Variants in ZC3H7A observed in about 807,000 individuals in gnomAD.
ZC3H7A encodes zinc finger CCCH domain-containing protein 7A.
ZC3H7A carries 44 observed loss-of-function variants against 125.5 expected under a neutral mutation model. That is an observed-to-expected ratio of 0.35 (90% CI 0.28 to 0.45). The LOEUF (loss-of-function observed/expected upper bound fraction) is 0.45. ZC3H7A is among the 20% of genes least tolerant of loss of function. The probability of loss-of-function intolerance (pLI) is 1.00; values close to 1 mark genes in which losing one functional copy is unlikely to be tolerated. For synonymous variants in ZC3H7A, 399 were observed against 391.2 expected, an observed-to-expected ratio of 1.02 and a Z score of -0.23; for missense variants, 977 against 1,170.7, an observed-to-expected ratio of 0.83 and a Z score of 2.41.
chr16:11,796,247 C>G (rs1164299897), intron 1 of ZC3H7A: 2 of 152,190 alleles, frequency 1.3e-5, no homozygotes, highest in Non-Finnish European at 2.9e-5. Context: ...TCTTTCTCAT[C>G]CGAAGTTTTT....
Position 11,767,593 on chromosome 16 carries a change from A to T in ZC3H7A, c.1361-15T>A, listed in dbSNP as rs1201175873. On this transcript the variant is annotated splice_polypyrimidine_tract_variant and intron_variant, in intron 12 of 22. Transcript: ENST00000355758. ...TAACTTAGGGCCTGAAAAAGATGTA[A>T]AGAGGATTGCTTATATGCACAAAAA... 6.4e-7 allele frequency: 1 copy of T among 1,550,414 alleles called. No homozygotes were observed. The highest frequency in any genetic ancestry group is 1.2e-5 in the South Asian group (1 of 80,770).
Position 11,771,007 on chromosome 16 carries a change from G to A in ZC3H7A, c.904-20C>T. ...TGACGGCTGCGGAAGAAAAAAAGATGTGATTAAAATTCATGAAGCTGTCAT... is the reference window on the plus strand; with the variant it reads ...TGACGGCTGCGGAAGAAAAAAAGATATGATTAAAATTCATGAAGCTGTCAT... On this transcript the variant is annotated intron_variant, in intron 9 of 22. Transcript: ENST00000355758. 1 of 1,583,824 alleles carries A rather than the reference G, an allele frequency of 6.3e-7. No homozygotes were observed. The highest frequency in any genetic ancestry group is 8.6e-7 in the Non-Finnish European group (1 of 1,167,170).
chr16:11,786,005 G>T (rs917216687), intron 1 of ZC3H7A, among the ~76,000 whole-genome samples: 1 of 152,198 alleles, frequency 6.6e-6, no homozygotes. Context: ...GGAATCATGG[G>T]AGACTACAGC....
intron 10 of ZC3H7A, among the ~76,000 whole-genome samples, 197 bp from the exon 11 acceptor site, chr16:11,769,292 A>C (rs2052925707): frequency 6.6e-6 from 1 of 152,190 alleles, no homozygotes; most frequent in Non-Finnish European, 1.5e-5. Flanking sequence ...GGCATAGTCA[A>C]ACAAATTTAA....
At chr16:11,796,980 C>T (rs2141229253) in intron 1 of ZC3H7A, 144 bp downstream of exon 1, 1 of 148,660 alleles carries the variant, frequency 6.7e-6, no homozygotes, top group South Asian at 2.1e-4. Context: ...GGTCCGCGGG[C>T]CCCGGACCCC....
chr16:11,775,094 C>A (rs767897153), intron 7 of ZC3H7A, 81 bp from the exon 8 acceptor site: 62 of 1,486,266 alleles, frequency 4.2e-5, no homozygotes, highest in Non-Finnish European at 5.6e-5. Context: ...CACCCTAGGC[C>A]GGGCACAGTG....
At chr16:11,772,847 C>G (rs12445820) in intron 9 of ZC3H7A, among the ~76,000 whole-genome samples, 33,559 of 151,464 alleles carry the variant, frequency 0.22, 4,838 homozygotes, top group African/African-American at 0.38. Context: ...CAGATATGCA[C>G]CACCATGCCC....
chr16:11,765,462 G>A lies in ZC3H7A; in HGVS notation c.1719+27C>T. On this transcript the variant is annotated intron_variant, in intron 14 of 22. Coordinates refer to ENST00000355758, the MANE Select transcript of ZC3H7A (RefSeq NM_014153.4). This position sits in a 1 kb window ranked among gnomAD's most constrained non-coding sequence, Gnocchi z 4.8. ...CTGGGCTTGCAAATTCAACTTTACA[G>A]TGGAAAATAAGTTTTGGAGAACACA... 3 of 1,586,704 alleles carry A rather than the reference G, an allele frequency of 1.9e-6. No individual in the cohort carries two copies. Among genetic ancestry groups the A allele is most frequent in the African/African-American group, 1.3e-5 (1 of 74,282 alleles).
chr16:11,782,183 T>C, intron 2 of ZC3H7A, 104 bp downstream of exon 2: 6 of 1,261,104 alleles, frequency 4.8e-6, no homozygotes, highest in Non-Finnish European at 6.8e-6. Context: ...CCAAATTAAC[T>C]GGACCTATTA....
chr16:11,791,768 G>A (rs2053355842), intron 1 of ZC3H7A, among the ~76,000 whole-genome samples: 3 of 152,278 alleles, frequency 2.0e-5, no homozygotes, highest in South Asian at 4.1e-4. Flanking sequence ...GGTGGGAAGT[G>A]AATCAATATA....
chr16:11,776,563 G>C, intron 5 of ZC3H7A, 31 bp from the exon 6 acceptor site: 1 of 1,569,876 alleles, frequency 6.4e-7, no homozygotes. Flanking sequence ...TAATTAACAG[G>C]GTTATATTTA....
At chr16:11,786,720 T>C (rs1344115891) in intron 1 of ZC3H7A, among the ~76,000 whole-genome samples, 1 of 152,206 alleles carries the variant, frequency 6.6e-6, no homozygotes, top group Non-Finnish European at 1.5e-5. Flanking sequence ...TCAGTAGTTT[T>C]TTAAGTTTCC....
intron 19 of ZC3H7A, 117 bp downstream of exon 19, chr16:11,761,289 G>T: frequency 2.1e-6 from 2 of 959,376 alleles, no homozygotes; most frequent in Non-Finnish European, 3.2e-6. Flanking sequence ...CATTTAAATA[G>T]CATTATTACT....
At chr16:11,763,324 G>A (rs961027505) in intron 16 of ZC3H7A, 154 bp downstream of exon 16, 94 of 652,502 alleles carry the variant, frequency 1.4e-4, no homozygotes, top group Non-Finnish European at 2.1e-4. Context: ...GGCCAGACTG[G>A]TCTTGAACTC....
intron 21 of ZC3H7A, among the ~76,000 whole-genome samples, chr16:11,754,371 G>C (rs1293879790): frequency 2.0e-5 from 3 of 147,112 alleles, no homozygotes; most frequent in Non-Finnish European, 4.5e-5. Flanking sequence ...CTTAAGTAAA[G>C]GTAGCAAGGG....
chr16:11,757,447 G>A (rs1331038356), intron 20 of ZC3H7A, among the ~76,000 whole-genome samples: 1 of 129,268 alleles, frequency 7.7e-6, no homozygotes, highest in Non-Finnish European at 1.5e-5. Flanking sequence ...TCACGCCACT[G>A]CACTCCAGCC....
rs7199993 is a variant in ZC3H7A at position 11,765,485 on chromosome 16, A to G, written c.1719+4T>C. 910,540 of 1,603,918 alleles carry G rather than the reference A, an allele frequency of 0.57. 265,511 individuals are homozygous for G. Among genetic ancestry groups the G allele is most frequent in the East Asian group, 0.83 (37,022 of 44,516 alleles). On this transcript the variant is annotated splice_donor_region_variant and intron_variant, in intron 14 of 22. Coordinates refer to ENST00000355758, the MANE Select transcript of ZC3H7A (RefSeq NM_014153.4). The surrounding 1 kb of genome is among the most constrained non-coding windows in gnomAD (Gnocchi z 4.8). Reference sequence around the variant, plus strand: ...CAGTGGAAAATAAGTTTTGGAGAACACACCTCACAAAGGAATATAAATTCC... The same window carrying G: ...CAGTGGAAAATAAGTTTTGGAGAACGCACCTCACAAAGGAATATAAATTCC...
chr16:11,782,182 C>G (rs2053183449), intron 2 of ZC3H7A, 105 bp downstream of exon 2: 1 of 1,251,014 alleles, frequency 8.0e-7, no homozygotes. Flanking sequence ...CCCAAATTAA[C>G]TGGACCTATT....
chr16:11,763,710 A>AATATATATATATAT (rs55932357), intron 15 of ZC3H7A, 51 bp from the exon 16 acceptor site: 3 of 225,068 alleles, frequency 1.3e-5, no homozygotes, highest in African/African-American at 3.4e-5. Flanking sequence ...AGATTTTTCA[A>AATATATATATATAT]ATATATATAT....
Sources: allele counts gnomAD v4.1 joint callset (sites outside exome capture counted in the v4.1 genomes callset), GRCh38; gene constraint gnomAD v4.1.1; non-coding constraint Gnocchi (gnomAD v3.1); transcripts MANE v1.5; gene names NCBI Gene and HGNC (gene_info 2026-07-23, HGNC 2026-07-21).